Variants in PTPRM observed in about 807,000 individuals in gnomAD.
PTPRM encodes protein tyrosine phosphatase receptor type M, also known as receptor-type tyrosine-protein phosphatase mu.
Under a neutral mutation model 186.7 loss-of-function variants are expected in PTPRM, and 47 were observed. The observed-to-expected ratio is 0.25, with a 90% CI of 0.20 to 0.32. The LOEUF is 0.32. Among genes scored for constraint, PTPRM ranks in the 10% least tolerant of loss-of-function variants. The pLI is 1.00. For synonymous variants in PTPRM, 668 were observed against 674.9 expected (o/e 0.99, Z 0.16); for missense variants, 1,494 against 1,865.0 (o/e 0.80, Z 3.66).
chr18:8,252,458 T>G (rs1367746596), intron 17 of PTPRM, 30 bp from the exon 18 acceptor site: 1 of 1,524,760 alleles, frequency 6.6e-7, no homozygotes. Context: ...TTCTCCTCCT[T>G]TTTTCTCCTG....
intron 1 of PTPRM, among the ~76,000 whole-genome samples, chr18:7,577,681 T>G (rs1567963753): frequency 6.6e-6 from 1 of 152,204 alleles, no homozygotes; most frequent in Non-Finnish European, 1.5e-5. Context: ...GTTTTCTACT[T>G]CCTCAACTTC....
At chr18:8,073,554 C>T (rs1769497558) in intron 8 of PTPRM, among the ~76,000 whole-genome samples, 2 of 152,160 alleles carry the variant, frequency 1.3e-5, no homozygotes, top group African/African-American at 4.8e-5. Context: ...TAAATTTCTT[C>T]AACATAGGAC....
At chr18:8,012,246 A>G (rs2147875509) in intron 7 of PTPRM, among the ~76,000 whole-genome samples, 1 of 152,372 alleles carries the variant, frequency 6.6e-6, no homozygotes, top group African/African-American at 2.4e-5. Context: ...TTTGGGAAAT[A>G]GTACATCTGC....
chr18:7,775,729 T>G (rs1355876913), intron 2 of PTPRM, among the ~76,000 whole-genome samples: 4 of 152,234 alleles, frequency 2.6e-5, no homozygotes, highest in Admixed American at 2.0e-4. Context: ...GGTAGTTGAC[T>G]TCATTATTTT....
chr18:8,090,519 T>G (rs641089), intron 11 of PTPRM, among the ~76,000 whole-genome samples: 81,445 of 152,038 alleles, frequency 0.54, 22,647 homozygotes, highest in Non-Finnish European at 0.62. Context: ...TTTTCTATAC[T>G]TGTATCTTAC....
intron 1 of PTPRM, among the ~76,000 whole-genome samples, chr18:7,729,145 A>G (rs1270354666): frequency 6.6e-6 from 1 of 152,144 alleles, no homozygotes; most frequent in African/African-American, 2.4e-5. Context: ...TCGTGGGCTC[A>G]AATGTCCTCC....
chr18:8,363,402 CAT>C (rs756471870), intron 23 of PTPRM, among the ~76,000 whole-genome samples: 11 of 152,286 alleles, frequency 7.2e-5, no homozygotes, highest in Non-Finnish European at 1.3e-4. Flanking sequence ...GACCCTGACA[CAT>C]GTGAAGACTG....
intron 2 of PTPRM, among the ~76,000 whole-genome samples, chr18:7,818,468 C>T (rs987074933): frequency 6.6e-6 from 1 of 152,180 alleles, no homozygotes; most frequent in African/African-American, 2.4e-5. Flanking sequence ...TTGCTCCCTG[C>T]GTGCCTGGTG....
At chr18:8,037,116 T>C (rs534218687) in intron 7 of PTPRM, among the ~76,000 whole-genome samples, 6 of 152,144 alleles carry the variant, frequency 3.9e-5, no homozygotes, top group Admixed American at 2.0e-4. Context: ...TGAAGTTGAA[T>C]AAAACATCTA....
At chr18:7,926,191 G>A (rs969590622) in intron 4 of PTPRM, among the ~76,000 whole-genome samples, 7 of 152,076 alleles carry the variant, frequency 4.6e-5, no homozygotes, top group Non-Finnish European at 1.0e-4. Context: ...TCATGTTGCT[G>A]GTATAAATAT....
At chr18:7,805,302 C>T (rs1598804222) in intron 2 of PTPRM, among the ~76,000 whole-genome samples, 2 of 152,276 alleles carry the variant, frequency 1.3e-5, no homozygotes, top group East Asian at 1.9e-4. Context: ...TGACATCCCA[C>T]GTTCACACTC....
At chr18:8,335,802 A>G (rs2095435843) in intron 22 of PTPRM, among the ~76,000 whole-genome samples, 1 of 151,978 alleles carries the variant, frequency 6.6e-6, no homozygotes, top group African/African-American at 2.4e-5. Context: ...CGGGCAGATC[A>G]TTTCAGGTCA....
chr18:7,865,289 T>C (rs117114069), intron 2 of PTPRM, among the ~76,000 whole-genome samples: 439 of 151,456 alleles, frequency 2.9e-3, no homozygotes, highest in Middle Eastern at 6.8e-3. Context: ...ATGCTTCCAG[T>C]TTTTGCCCTT....
intron 1 of PTPRM, among the ~76,000 whole-genome samples, chr18:7,757,622 G>T (rs2041563920): frequency 6.6e-6 from 1 of 152,148 alleles, no homozygotes; most frequent in Non-Finnish European, 1.5e-5. Context: ...ACACCATGTG[G>T]GGTGATAAGG....
In PTPRM at chr18:8,104,562, A is replaced by T. The variant is rs1160427034; in HGVS notation, c.1857-8924A>T. Among the ~76,000 whole-genome samples, 4 of 152,098 alleles carry T rather than the reference A, an allele frequency of 2.6e-5. No homozygotes were observed. The East Asian group carries it at 7.7e-4, about 29-fold the overall frequency. On this transcript the variant is annotated intron_variant, in intron 11 of 32. Coordinates refer to ENST00000580170, the MANE Select transcript of PTPRM (RefSeq NM_001105244.2). Reference sequence around the variant, plus strand: ...TTGGCTCAAGCGATCCTCCCACCTCAGTCTCCTGAGTAGCTGGGACTTAGA... The same window carrying T: ...TTGGCTCAAGCGATCCTCCCACCTCTGTCTCCTGAGTAGCTGGGACTTAGA...
rs748996764 is a variant in PTPRM, at chr18:7,955,247, C to T, written c.965C>T (p.Thr322Met). ...PIVAREVEYC[T>M]ASGSWNDRQP... The stretch of plus-strand genomic sequence containing the variant: ...GTGGCCCGAGAGGTGGAGTACTGCA[C>T]GGCCAGTGGGAGCTGGAATGACCGG... The change falls in exon 7 of 33, where the codon ACG becomes ATG. Residue 322 changes from threonine (T) to methionine (M), a missense_variant. Around this residue, in one of 3 missense-constraint regions of PTPRM, gnomAD observed 91 missense variants for 169.3 expected, o/e 0.54. Coordinates refer to ENST00000580170, the MANE Select transcript of PTPRM (RefSeq NM_001105244.2). 13 of 1,613,962 alleles carry T rather than the reference C, an allele frequency of 8.1e-6. No homozygotes were observed. Among genetic ancestry groups the T allele is most frequent in the Middle Eastern group, 1.6e-4 (1 of 6,084 alleles).
chr18:8,372,068 T>C (rs1455670477), intron 24 of PTPRM, among the ~76,000 whole-genome samples: 1 of 92,750 alleles, frequency 1.1e-5, no homozygotes, highest in South Asian at 3.7e-4. Flanking sequence ...TTTTTTTTTT[T>C]TTTTTTTTTT....
chr18:8,169,102 G>C (rs142880185), intron 14 of PTPRM, among the ~76,000 whole-genome samples: 1 of 152,250 alleles, frequency 6.6e-6, no homozygotes, highest in African/African-American at 2.4e-5. Flanking sequence ...GAAATCTTGT[G>C]AGTGAAAGGA....
At chr18:8,388,940 G>T (rs1384463019) in intron 31 of PTPRM, among the ~76,000 whole-genome samples, 1 of 151,948 alleles carries the variant, frequency 6.6e-6, no homozygotes, top group Non-Finnish European at 1.5e-5. Flanking sequence ...CAGCCTGGGG[G>T]ACAGAGCGAG....
Sources: gnomAD v4.1 joint callset for allele counts (sites outside exome capture counted in the v4.1 genomes callset) on GRCh38, gnomAD v4.1.1 for gene constraint, gnomAD v4.1.1 regional missense constraint, MANE v1.5 for transcripts, NCBI Gene and HGNC (gene_info 2026-07-23, HGNC 2026-07-21) for gene names.